The following TKFC variants were observed in gnomAD, a reference collection of about 807,000 sequenced individuals.
TKFC encodes triokinase/FMN cyclase.
TKFC carries 46 observed loss-of-function variants against 61.0 expected under a neutral mutation model. The ratio of observed to expected loss-of-function variants is 0.75; its 90% CI spans 0.60 to 0.96. The LOEUF is 0.96. Among genes scored for constraint, TKFC ranks in the 50% least tolerant of loss-of-function variants. TKFC has a pLI of 0.00. For synonymous variants in TKFC, 314 were observed against 330.1 expected (o/e 0.95, Z 0.53); for missense variants, 715 against 777.5 (o/e 0.92, Z 0.96).
At chr11:61,335,055 A>C (rs945826794) in intron 2 of TKFC, among the ~76,000 whole-genome samples, 1 of 152,194 alleles carries the variant, frequency 6.6e-6, no homozygotes, top group African/African-American at 2.4e-5. Context: ...CGGTCACAGA[A>C]GGAATCGTGA....
chr11:61,339,467 C>T (rs1285852073), intron 5 of TKFC, 32 bp downstream of exon 5: 3 of 1,565,780 alleles, frequency 1.9e-6, no homozygotes, highest in East Asian at 2.3e-5. Flanking sequence ...GGAGACTGGC[C>T]AGCCCTTTCC....
At chr11:61,333,871 A>G (rs1162253816) in intron 1 of TKFC, 3 of 152,186 alleles carry the variant, frequency 2.0e-5, no homozygotes, top group Admixed American at 6.5e-5. Flanking sequence ...CCCCCATTTT[A>G]CAGATGAGGA....
chr11:61,342,335 G>T, intron 7 of TKFC, 126 bp from the exon 8 acceptor site: 1 of 1,212,914 alleles, frequency 8.2e-7, no homozygotes, highest in Non-Finnish European at 1.2e-6. Context: ...TCATTATTCT[G>T]TCCATTTCCA....
In TKFC at chr11:61,337,025, G is replaced by A. The variant is rs542132318; in HGVS notation, c.4-916G>A. Among the ~76,000 whole-genome samples, 4 of 152,232 alleles carry A rather than the reference G, an allele frequency of 2.6e-5. No individual in the cohort carries two copies. The East Asian group carries it at 7.7e-4, about 29-fold the overall frequency. On this transcript the variant is annotated intron_variant, in intron 2 of 17. Coordinates refer to ENST00000394900, the MANE Select transcript of TKFC (RefSeq NM_015533.4). ...CTTCCCAGAGACCTCCAGGCCCCTC[G>A]GGAGGCTGCGGCCCCTCCTCTATGC...
chr11:61,341,448 C>T lies in TKFC; in HGVS notation c.499C>T (p.Leu167=), dbSNP rs1856848451. ...TVLIHKVAGA[L]AEAGVGLEEI... The stretch of plus-strand genomic sequence containing the variant: ...TTTGTGGCTGCAGGTGGCAGGTGCT[C>T]TGGCTGAGGCTGGTGTGGGGCTGGA... Residue 167 remains leucine (L), a synonymous_variant, in exon 6 of 18, where the codon CTG becomes TTG. Transcript: ENST00000394900. 5 of 1,553,818 alleles carry T rather than the reference C, an allele frequency of 3.2e-6. No individual in the cohort carries two copies. The East Asian group carries it at 1.2e-4, about 38-fold the overall frequency.
rs1423050036 is a variant in TKFC, at chr11:61,346,354, G to T, written c.1579G>T (p.Ala527Ser). Residue 527 changes from alanine (A) to serine (S), a missense_variant, in exon 18 of 18, where the codon GCC (alanine) becomes TCC (serine). Physicochemically the swap from Ala to Ser is moderately conservative, Grantham distance 99 (BLOSUM62 1). Transcript: ENST00000394900. This position sits in a 1 kb window ranked among gnomAD's most constrained non-coding sequence, Gnocchi z 4.1. Reference protein sequence around the residue: ...LQVLTKAVKSAEAAAEATKNM... With the variant: ...LQVLTKAVKSSEAAAEATKNM... ...GCTCCCACACCCCATCCCCCAGAGTGCCGAAGCTGCAGCCGAGGCCACCAA... is the reference window on the plus strand; with the variant it reads ...GCTCCCACACCCCATCCCCCAGAGTTCCGAAGCTGCAGCCGAGGCCACCAA... The T allele has an allele frequency of 6.2e-7, 1 of 1,612,464 alleles. No homozygotes were observed. The highest frequency in any genetic ancestry group is 2.2e-5 in the East Asian group (1 of 44,882).
intron 10 of TKFC, 73 bp from the exon 11 acceptor site, chr11:61,343,269 C>T: frequency 1.4e-6 from 2 of 1,418,310 alleles, no homozygotes; most frequent in African/African-American, 2.8e-5. Context: ...CTTCCAAGGT[C>T]CTTGCTTTTC....
At chr11:61,349,616 G>A (rs769830027), downstream of TKFC, 64 of 702,840 alleles carry the variant, frequency 9.1e-5, no homozygotes, top group Admixed American at 9.0e-4. Flanking sequence ...GGGAAAGGCC[G>A]GGATCCAGGC....
downstream of TKFC, chr11:61,352,758 G>A: frequency 3.7e-6 from 5 of 1,368,212 alleles, no homozygotes; most frequent in Non-Finnish European, 4.8e-6. Context: ...GCTTAGTACT[G>A]TTTCTGACAC....
chr11:61,351,280 C>CTTT, downstream of TKFC: 5 of 718,928 alleles, frequency 7.0e-6, no homozygotes, highest in South Asian at 3.2e-5. Flanking sequence ...TTTTAACACC[C>CTTT]TTTCTTTTTT....
rs765421566 is a variant in TKFC at position 61,347,649 on chromosome 11, G to A, written c.*1146G>A. 5 of 985,390 alleles carry A rather than the reference G, an allele frequency of 5.1e-6. No individual in the cohort carries two copies. The highest frequency in any genetic ancestry group is 6.0e-6 in the Non-Finnish European group (5 of 829,938). The allele number at this position is 985,390 out of a possible 1,614,324, so 61.0% of individuals were successfully genotyped here. On this transcript the variant is annotated 3_prime_UTR_variant, in exon 18 of 18. Transcript: ENST00000394900. ...AGCAGGGGCACTGTATGCATGTGGAGACAAACAGCACATGCCTGGCACACA... is the reference window on the plus strand; with the variant it reads ...AGCAGGGGCACTGTATGCATGTGGAAACAAACAGCACATGCCTGGCACACA...
At position 61,337,938 on chromosome 11, in the gene TKFC, C is replaced by G; in HGVS notation, c.4-3C>G. 1 of 1,600,994 alleles carries G rather than the reference C, an allele frequency of 6.2e-7. No individual in the cohort carries two copies. Among genetic ancestry groups the G allele is most frequent in the Non-Finnish European group, 8.5e-7 (1 of 1,174,370 alleles). On this transcript the variant is annotated splice_region_variant and splice_polypyrimidine_tract_variant and intron_variant, in intron 2 of 17. Transcript: ENST00000394900. ...TGACCTCCTTCTCACTCCTCCCTTG[C>G]AGACCTCCAAGAAGCTGGTGAACTC...
In TKFC at chr11:61,345,851, G is replaced by A. The variant is rs1208484914; in HGVS notation, c.1486-6G>A. 6.2e-7 allele frequency: 1 copy of A among 1,614,112 alleles called. No individual in the cohort carries two copies. Among genetic ancestry groups the A allele is most frequent in the Middle Eastern group, 1.6e-4 (1 of 6,062 alleles). On this transcript the variant is annotated splice_region_variant and splice_polypyrimidine_tract_variant and intron_variant, in intron 16 of 17. Coordinates refer to ENST00000394900, the MANE Select transcript of TKFC (RefSeq NM_015533.4). ...TGCTCAGCCCCCTTTCCTTCACCTT[G>A]TCCAGCTGGATTCTCTGTGGGCAGC...
rs1341160538 is a variant in TKFC, at chr11:61,340,172, C to T, written c.486+737C>T. ...ATTACAAGGCGCCTGCCACCACGCC[C>T]GGCTAATTTTTGTATTTTTAGTAGA... is the stretch of plus-strand genomic sequence containing the variant. On this transcript the variant is annotated intron_variant, in intron 5 of 17. Coordinates refer to ENST00000394900, the MANE Select transcript of TKFC (RefSeq NM_015533.4). Among the ~76,000 whole-genome samples the T allele has an allele frequency of 2.6e-5, 4 of 152,006 alleles. No homozygotes were observed. The South Asian group carries it at 6.2e-4, about 24-fold the overall frequency.
downstream of TKFC, chr11:61,350,918 C>T: frequency 6.5e-7 from 1 of 1,526,802 alleles, no homozygotes; most frequent in Non-Finnish European, 8.8e-7. Context: ...TGTCAAGGCC[C>T]CAGCCTTTCG....
rs777689893 is a variant in TKFC at position 61,343,907 on chromosome 11, C to T, written c.1034C>T (p.Thr345Ile). Residue 345 changes from threonine (T) to isoleucine (I), a missense_variant, in exon 12 of 18, where the codon ACT becomes ATT. Thr to Ile is a moderately conservative substitution (Grantham distance 89). Coordinates refer to ENST00000394900, the MANE Select transcript of TKFC (RefSeq NM_015533.4). The part of the protein sequence containing the change: ...AWPNVAAVSI[T>I]GRKRSRVAPA... ...CCTAACGTGGCTGCAGTCTCCATTA[C>T]TGGGCGGAAGCGGAGCCGGGTAGCC... is the stretch of plus-strand genomic sequence containing the variant. 1.2e-6 allele frequency: 2 copies of T among 1,611,342 alleles called. No homozygotes were observed. The highest frequency in any genetic ancestry group is 1.1e-5 in the South Asian group (1 of 91,088).
chr11:61,342,368 T>G, intron 7 of TKFC, 93 bp from the exon 8 acceptor site: 1 of 1,520,030 alleles, frequency 6.6e-7, no homozygotes, highest in East Asian at 2.3e-5. Flanking sequence ...GCCCACTTAC[T>G]GTGTGAGTCC....
chr11:61,351,284 CTTTTTTTTTTTTTT>C (rs909648792), downstream of TKFC: 2 of 292,110 alleles, frequency 6.8e-6, no homozygotes, highest in Non-Finnish European at 1.1e-5. Flanking sequence ...AACACCCTTT[CTTTTTTTTTTTTTT>C]TTTTTTTTTG....
At chr11:61,350,818 C>T (rs996383475), downstream of TKFC, 26 of 875,980 alleles carry the variant, frequency 3.0e-5, no homozygotes, top group East Asian at 5.0e-4. Flanking sequence ...CACTGGGATG[C>T]GCTGGTTTGG....
Sources: gnomAD v4.1 joint callset for allele counts (sites outside exome capture counted in the v4.1 genomes callset) on GRCh38, gnomAD v4.1.1 for gene constraint, Gnocchi (gnomAD v3.1) non-coding constraint, MANE v1.5 for transcripts, NCBI Gene and HGNC (gene_info 2026-07-23, HGNC 2026-07-21) for gene names.